Variants in NAA16 observed in about 807,000 individuals in gnomAD.
NAA16 encodes NARG1-like protein.
Under a neutral mutation model 110.3 loss-of-function variants are expected in NAA16, and 97 were observed. The observed-to-expected ratio is 0.88, with a 90% CI of 0.75 to 1.04. The LOEUF (loss-of-function observed/expected upper bound fraction) is 1.04. NAA16 is among the 50% of genes least tolerant of loss of function. The pLI is 0.00. For missense variants in NAA16, 1,017 were observed against 1,005.1 expected (o/e 1.01, Z -0.16); for synonymous variants, 372 against 330.6 (o/e 1.13, Z -1.36).
At chr13:41,362,958 T>C in intron 13 of NAA16, 1 of 1,055,140 alleles carries the variant, frequency 9.5e-7, no homozygotes, top group Non-Finnish European at 1.2e-6. Flanking sequence ...GAAGGCTAAA[T>C]TTTAGGGGGT....
intron 9 of NAA16, among the ~76,000 whole-genome samples, chr13:41,350,159 G>A (rs2042790420): frequency 6.6e-6 from 1 of 151,458 alleles, no homozygotes; most frequent in Non-Finnish European, 1.5e-5. Context: ...ATACTTGGAA[G>A]GCTGAGGTGG....
intron 5 of NAA16, among the ~76,000 whole-genome samples, chr13:41,323,639 A>C (rs986253583): frequency 6.7e-6 from 1 of 149,882 alleles, no homozygotes; most frequent in East Asian, 1.9e-4. Flanking sequence ...GGCGTGAGCC[A>C]CCGCGCCCGG....
rs957990200 is a variant in NAA16, at chr13:41,372,431, T to C, written c.2056+120T>C. 6.6e-6 allele frequency: 9 copies of C among 1,357,258 alleles called. No homozygotes were observed. The African/African-American group carries it at 1.4e-4, about 20-fold the overall frequency. The allele number at this position is 1,357,258 out of a possible 1,614,324, so 84.1% of individuals were successfully genotyped here. A position where few individuals can be genotyped will look rare whatever the true frequency, so the allele number is the denominator to read the frequency against. ...TTTCATTTTAGCCTTCTACAAAGGC[T>C]CTTTTCCTTGGCTACTCGAAACTTA... is the stretch of plus-strand genomic sequence containing the variant. On this transcript the variant is annotated intron_variant, in intron 16 of 19. Coordinates refer to ENST00000379406, the MANE Select transcript of NAA16 (RefSeq NM_024561.5).
intron 10 of NAA16, among the ~76,000 whole-genome samples, chr13:41,357,255 A>G (rs2139490765): frequency 6.6e-6 from 1 of 152,370 alleles, no homozygotes; most frequent in East Asian, 1.9e-4. Flanking sequence ...TAGGAGTTCC[A>G]GGCTACAGTT....
At chr13:41,320,965 C>G in intron 4 of NAA16, 141 bp downstream of exon 4, 1 of 690,126 alleles carries the variant, frequency 1.4e-6, no homozygotes, top group Non-Finnish European at 2.3e-6. Context: ...TGGGACCTTC[C>G]TTCTCAGTCA....
intron 6 of NAA16, 111 bp from the exon 7 acceptor site, chr13:41,328,613 A>C: frequency 1.1e-6 from 1 of 874,642 alleles, no homozygotes; most frequent in South Asian, 1.7e-5. Context: ...GGGGAAGCAT[A>C]CAGAGTTCTG....
At position 41,311,520 on chromosome 13, in the gene NAA16, C is replaced by T. The variant is rs1180413251; in HGVS notation, c.-9C>T. On this transcript the variant is annotated 5_prime_UTR_variant, in exon 1 of 20. Transcript: ENST00000379406. ...CCCTGCCGGCCACCTAGCCTCCCTG[C>T]CGGCCACGATGCCGAACGTGCTGCT... The T allele has an allele frequency of 1.9e-6, 3 of 1,599,008 alleles. No homozygotes were observed. The highest frequency in any genetic ancestry group is 2.3e-5 in the East Asian group (1 of 44,174).
Position 41,311,342 on chromosome 13 carries a change from C to T in NAA16, c.-187C>T. 1.7e-6 allele frequency: 1 copy of T among 604,222 alleles called. No homozygotes were observed. Among genetic ancestry groups the T allele is most frequent in the Non-Finnish European group, 2.9e-6 (1 of 344,792 alleles). The allele number at this position is 604,222 out of a possible 1,614,324, so 37.4% of individuals were successfully genotyped here. On this transcript the variant is annotated 5_prime_UTR_variant, in exon 1 of 20. Coordinates refer to ENST00000379406, the MANE Select transcript of NAA16 (RefSeq NM_024561.5). The stretch of plus-strand genomic sequence containing the variant: ...GGGGAAGCGTGTCCTGCTCAGACCG[C>T]CTTCCTTCTCCATTGCCACCCGTGC...
chr13:41,365,958 T>G (rs1593524226), intron 13 of NAA16, among the ~76,000 whole-genome samples: 1 of 152,362 alleles, frequency 6.6e-6, no homozygotes, highest in African/African-American at 2.4e-5. Context: ...TCCAGGACTT[T>G]TAGCGCCACC....
intron 8 of NAA16, among the ~76,000 whole-genome samples, chr13:41,336,259 GGAAT>G (rs991117536): frequency 3.9e-5 from 6 of 151,902 alleles, no homozygotes; most frequent in African/African-American, 1.2e-4. Flanking sequence ...ACATTATTGT[GGAAT>G]GAATGAATGA....
At chr13:41,358,615 A>G in intron 11 of NAA16, 142 bp downstream of exon 11, 1 of 1,451,026 alleles carries the variant, frequency 6.9e-7, no homozygotes, top group Non-Finnish European at 9.1e-7. Context: ...ATGTTATATT[A>G]ATTGTATAAT....
intron 10 of NAA16, 66 bp from the exon 11 acceptor site, chr13:41,358,238 G>T (rs2043036699): frequency 7.5e-7 from 1 of 1,338,170 alleles, no homozygotes; most frequent in Non-Finnish European, 1.1e-6. Context: ...TATGAATTAG[G>T]AGAGAGAAAA....
At chr13:41,315,524 G>A (rs762117674) in intron 1 of NAA16, among the ~76,000 whole-genome samples, 1 of 152,166 alleles carries the variant, frequency 6.6e-6, no homozygotes, top group Non-Finnish European at 1.5e-5. Context: ...TTATAAACAA[G>A]TTTTTGAACC....
At chr13:41,344,197 AAC>A (rs1197227145) in intron 9 of NAA16, among the ~76,000 whole-genome samples, 5 of 152,190 alleles carry the variant, frequency 3.3e-5, no homozygotes, top group African/African-American at 9.7e-5. Flanking sequence ...GTTCTTGATA[AAC>A]ACAGATAAAT....
At chr13:41,374,909 T>C (rs2043398946) in intron 19 of NAA16, 70 bp downstream of exon 19, 1 of 904,976 alleles carries the variant, frequency 1.1e-6, no homozygotes, top group Non-Finnish European at 1.7e-6. Flanking sequence ...TACAGCATAA[T>C]TCTTGAGTAG....
chr13:41,334,755 G>GT (rs2042332646), intron 8 of NAA16, among the ~76,000 whole-genome samples: 1 of 152,174 alleles, frequency 6.6e-6, no homozygotes, highest in Admixed American at 6.6e-5. Flanking sequence ...GGTAAAAAGA[G>GT]TTTATAAGTG....
chr13:41,365,276 G>T (rs1292709416), intron 13 of NAA16, among the ~76,000 whole-genome samples: 2 of 152,090 alleles, frequency 1.3e-5, no homozygotes, highest in Non-Finnish European at 2.9e-5. Flanking sequence ...GTGGTTACAT[G>T]AATCTACAAA....
chr13:41,369,294 T>C lies in NAA16; in HGVS notation c.1947+11T>C. The C allele has an allele frequency of 5.9e-6, 9 of 1,525,532 alleles. No individual in the cohort carries two copies. Among genetic ancestry groups the C allele is most frequent in the Non-Finnish European group, 7.9e-6 (9 of 1,144,732 alleles). The allele number at this position is 1,525,532 out of a possible 1,614,324, so 94.5% of individuals were successfully genotyped here. On this transcript the variant is annotated intron_variant, in intron 15 of 19. Coordinates refer to ENST00000379406, the MANE Select transcript of NAA16 (RefSeq NM_024561.5). ...GAAAAATTAGAAAGGGTGAGATGGGTTTTACTATCTTTGTTATTTGGTAAA... is the reference window on the plus strand; with the variant it reads ...GAAAAATTAGAAAGGGTGAGATGGGCTTTACTATCTTTGTTATTTGGTAAA...
At chr13:41,367,171 AT>A (rs1335235734) in intron 13 of NAA16, among the ~76,000 whole-genome samples, 4 of 152,224 alleles carry the variant, frequency 2.6e-5, no homozygotes, top group Non-Finnish European at 5.9e-5. Flanking sequence ...GGTTTAAAAA[AT>A]AACCTGATCT....
Sources: gnomAD v4.1 joint callset for allele counts (sites outside exome capture counted in the v4.1 genomes callset) on GRCh38, gnomAD v4.1.1 for gene constraint, MANE v1.5 for transcripts, NCBI Gene and HGNC (gene_info 2026-07-23, HGNC 2026-07-21) for gene names.